The following IL27RA variants were observed in gnomAD, a reference collection of about 807,000 sequenced individuals.
IL27RA encodes the protein interleukin 27 receptor subunit alpha.
Under a neutral mutation model 80.8 loss-of-function variants are expected in IL27RA, and 61 were observed. The observed-to-expected ratio is 0.76, with a 90% CI of 0.61 to 0.93. IL27RA has a LOEUF of 0.93. Among genes scored for constraint, IL27RA ranks in the 40% least tolerant of loss-of-function variants. The probability of loss-of-function intolerance (pLI) is 0.00; values close to 1 mark genes in which losing one functional copy is unlikely to be tolerated. For synonymous variants in IL27RA, 316 were observed against 332.5 expected, an observed-to-expected ratio of 0.95 and a Z score of 0.54; for missense variants, 735 against 808.1, an observed-to-expected ratio of 0.91 and a Z score of 1.10.
Position 14,039,493 on chromosome 19 carries a change from C to A in IL27RA, c.219-15C>A. The A allele has an allele frequency of 6.2e-7, 1 of 1,605,122 alleles. No individual in the cohort carries two copies. ...TAGCCGAGTGTGCATCTCATCCCCG[C>A]CTCTCTCCTCACAGCCGTTCCAACA... On this transcript the variant is annotated splice_polypyrimidine_tract_variant and intron_variant, in intron 2 of 13. Transcript: ENST00000263379.
chr19:14,032,863 C>G (rs928385714), intron 2 of IL27RA, among the ~76,000 whole-genome samples: 2 of 151,062 alleles, frequency 1.3e-5, no homozygotes, highest in Non-Finnish European at 3.0e-5. Flanking sequence ...GAGTCTGCCC[C>G]CCTCCCCCAA....
chr19:14,051,027 T>A (rs1334038276), intron 11 of IL27RA, 144 bp downstream of exon 11: 1 of 806,488 alleles, frequency 1.2e-6, no homozygotes, highest in Non-Finnish European at 1.8e-6. Flanking sequence ...GGCAGGTGGA[T>A]CACTTGAGCC....
chr19:14,045,136 A>T (rs1380024190), intron 6 of IL27RA, among the ~76,000 whole-genome samples: 3 of 150,272 alleles, frequency 2.0e-5, no homozygotes, highest in Non-Finnish European at 4.4e-5. Flanking sequence ...AAAAAAAAAA[A>T]ATTAGCGGGG....
intron 2 of IL27RA, among the ~76,000 whole-genome samples, chr19:14,037,245 T>C (rs1975916269): frequency 6.6e-6 from 1 of 151,034 alleles, no homozygotes; most frequent in Non-Finnish European, 1.5e-5. Flanking sequence ...TTCATTTCCT[T>C]ATTTATATAT....
chr19:14,033,919 G>A (rs193059190), intron 2 of IL27RA, among the ~76,000 whole-genome samples: 1 of 151,924 alleles, frequency 6.6e-6, no homozygotes, highest in African/African-American at 2.4e-5. Context: ...AGCTGAGATC[G>A]CACCACTGCA....
chr19:14,045,600 CAAA>C (rs143735821), intron 6 of IL27RA, among the ~76,000 whole-genome samples: 4 of 109,446 alleles, frequency 3.7e-5, no homozygotes, highest in Admixed American at 9.9e-5. Flanking sequence ...GACTCTGTCT[CAAA>C]AAAAAAAAAA....
Position 14,031,948 on chromosome 19 carries a change from CT to C in IL27RA, c.80del (p.Phe27SerfsTer24). ...KLALLPLLWV[L>X]FQRTRPQGSA... ...GGCGCTGCTGCCTCTGTTGTGGGTGCTTTTCCAGCGGACGCGTCCCCAGGGT... is the reference window on the plus strand; with the variant it reads ...GGCGCTGCTGCCTCTGTTGTGGGTGCTTTCCAGCGGACGCGTCCCCAGGGT... On this transcript the variant is annotated frameshift_variant, in exon 1 of 14. Transcript: ENST00000263379. LOFTEE classifies it high-confidence loss of function. The C allele has an allele frequency of 6.2e-7, 1 of 1,611,130 alleles. No individual in the cohort carries two copies. Among genetic ancestry groups the C allele is most frequent in the Non-Finnish European group, 8.5e-7 (1 of 1,178,818 alleles).
chr19:14,043,964 C>T (rs972163338), intron 6 of IL27RA, among the ~76,000 whole-genome samples: 15 of 146,632 alleles, frequency 1.0e-4, no homozygotes, highest in Non-Finnish European at 1.5e-4. Flanking sequence ...AGGAGAATCG[C>T]TTGAACCTGG....
rs536396497 is a variant in IL27RA at position 14,032,379 on chromosome 19, T to C, written c.101-7T>C. 13 of 1,610,348 alleles carry C rather than the reference T, an allele frequency of 8.1e-6. No homozygotes were observed. In the South Asian group the frequency reaches 1.4e-4, roughly 18 times the overall value. Reference sequence around the variant, plus strand: ...CCTTTCCTGAGACCCTCTGACTCCCTCTCCAGGCAGCGCCGGGCCACTGCA... The same window carrying C: ...CCTTTCCTGAGACCCTCTGACTCCCCCTCCAGGCAGCGCCGGGCCACTGCA... On this transcript the variant is annotated splice_region_variant and splice_polypyrimidine_tract_variant and intron_variant, in intron 1 of 13. Transcript: ENST00000263379.
At chr19:14,032,252 A>T in intron 1 of IL27RA, 134 bp from the exon 2 acceptor site, 1 of 761,128 alleles carries the variant, frequency 1.3e-6, no homozygotes, top group Non-Finnish European at 2.2e-6. Flanking sequence ...AGGGGTGCCT[A>T]GCGCCTCCCT....
At position 14,042,436 on chromosome 19, in the gene IL27RA, G is replaced by T; in HGVS notation, c.535-17G>T. 1.9e-6 allele frequency: 3 copies of T among 1,611,972 alleles called. No individual in the cohort carries two copies. The highest frequency in any genetic ancestry group is 2.2e-5 in the East Asian group (1 of 44,820). On this transcript the variant is annotated splice_polypyrimidine_tract_variant and intron_variant, in intron 4 of 13. Coordinates refer to ENST00000263379, the MANE Select transcript of IL27RA (RefSeq NM_004843.4). ...CTCAGGCCCTGGGCCCATCACGCTC[G>T]CCTGTCTCTCCCCCAGCTGGAACCG...
intron 2 of IL27RA, among the ~76,000 whole-genome samples, chr19:14,035,807 G>T (rs771115850): frequency 6.6e-6 from 1 of 151,610 alleles, no homozygotes. Context: ...TTGAGAAGAG[G>T]TCTTGCTCTG....
At chr19:14,045,614 AAGTT>A (rs1368110299) in intron 6 of IL27RA, among the ~76,000 whole-genome samples, 1 of 151,780 alleles carries the variant, frequency 6.6e-6, no homozygotes, top group Non-Finnish European at 1.5e-5. Context: ...AAAAAAAAAA[AAGTT>A]GATATTTTGT....
chr19:14,042,928 G>A, intron 6 of IL27RA, 139 bp downstream of exon 6: 1 of 753,298 alleles, frequency 1.3e-6, no homozygotes, highest in East Asian at 2.7e-5. Context: ...GATCACTTGA[G>A]GTCAGCAGTT....
chr19:14,042,631 G>A lies in IL27RA; in HGVS notation c.694+19G>A, dbSNP rs369426970. ...CCTTCTGGTGAGGATATCTGGGCTT[G>A]CCCTCAATCCACGCCCCTCCCACCC... On this transcript the variant is annotated intron_variant, in intron 5 of 13. Coordinates refer to ENST00000263379, the MANE Select transcript of IL27RA (RefSeq NM_004843.4). The A allele has an allele frequency of 1.8e-5, 29 of 1,613,920 alleles. No homozygotes were observed. Among genetic ancestry groups the A allele is most frequent in the Non-Finnish European group, 2.3e-5 (27 of 1,179,976 alleles).
intron 2 of IL27RA, among the ~76,000 whole-genome samples, chr19:14,036,211 T>C (rs1409455971): frequency 1.3e-5 from 2 of 151,990 alleles, no homozygotes; most frequent in African/African-American, 4.8e-5. Context: ...CCTAGGGTAG[T>C]CTCAAACTCC....
intron 2 of IL27RA, among the ~76,000 whole-genome samples, chr19:14,039,130 C>CA (rs1022879181): frequency 6.6e-4 from 100 of 151,630 alleles, no homozygotes; most frequent in African/African-American, 2.2e-3. Context: ...ACTAAAAACA[C>CA]AAAAAAATTG....
chr19:14,031,829 G>A lies in IL27RA; in HGVS notation c.-44G>A. 6.7e-7 allele frequency: 1 copy of A among 1,502,838 alleles called. No individual in the cohort carries two copies. 93.1% of individuals were successfully genotyped at this position (1,502,838 alleles called of 1,614,324 possible). ...CGAAGAGGAGCAGCGCGGCCGCGCG[G>A]ACCCGGCAAGGCTGGGCCGGACTCG... On this transcript the variant is annotated 5_prime_UTR_variant, in exon 1 of 14. Coordinates refer to ENST00000263379, the MANE Select transcript of IL27RA (RefSeq NM_004843.4).
At position 14,049,126 on chromosome 19, in the gene IL27RA, C is replaced by T. The variant is rs201107536; in HGVS notation, c.1244-30C>T. ...GATGGGGGGGCTTCTGTAACCCAGG[C>T]CGACCTTGACCTACTGCCTTCCTCC... On this transcript the variant is annotated intron_variant, in intron 9 of 13. Transcript: ENST00000263379. The T allele has an allele frequency of 4.8e-5, 78 of 1,612,402 alleles. No homozygotes were observed. In the African/African-American group the frequency reaches 9.7e-4, roughly 20 times the overall value.
Sources: allele counts gnomAD v4.1 joint callset (sites outside exome capture counted in the v4.1 genomes callset), GRCh38; gene constraint gnomAD v4.1.1; transcripts MANE v1.5; gene names NCBI Gene and HGNC (gene_info 2026-07-23, HGNC 2026-07-21).